The following PODXL variants were observed in gnomAD, a reference collection of about 807,000 sequenced individuals.
The protein encoded by PODXL is podocalyxin.
A neutral mutation model predicts 48.9 loss-of-function variants in PODXL; 20 were observed. The observed-to-expected ratio is 0.41, with a 90% confidence interval of 0.29 to 0.59. PODXL has a LOEUF of 0.59. Ranked by LOEUF, PODXL falls within the 20% of genes least tolerant of loss-of-function variation. PODXL has a pLI of 0.31. For missense variants in PODXL, 606 were observed against 675.1 expected, an observed-to-expected ratio of 0.90 and a Z score of 1.13; for synonymous variants, 295 against 287.4, an observed-to-expected ratio of 1.03 and a Z score of -0.27.
chr7:131,507,736 A>G (rs534811627), intron 5 of PODXL, among the ~76,000 whole-genome samples: 1 of 152,046 alleles, frequency 6.6e-6, no homozygotes, highest in African/African-American at 2.4e-5. Context: ...AGAGGGTCTG[A>G]GGAAGGGCTG....
intron 1 of PODXL, among the ~76,000 whole-genome samples, chr7:131,519,786 CA>C (rs1002154306): frequency 6.6e-6 from 1 of 152,100 alleles, no homozygotes; most frequent in African/African-American, 2.4e-5. Flanking sequence ...TGGAATGCAA[CA>C]GTGTGATCTT....
intron 1 of PODXL, 66 bp from the exon 2 acceptor site, chr7:131,511,499 T>TC: frequency 6.5e-7 from 1 of 1,542,582 alleles, no homozygotes. Context: ...CTTCTCCAGC[T>TC]CTTCCCCAGG....
intron 1 of PODXL, among the ~76,000 whole-genome samples, chr7:131,532,954 C>T (rs979383802): frequency 6.6e-6 from 1 of 152,116 alleles, no homozygotes; most frequent in Non-Finnish European, 1.5e-5. Flanking sequence ...GACTTTCAGC[C>T]CCCAGATCTG....
In PODXL at chr7:131,509,434, G is replaced by A. The variant is rs1223942741; in HGVS notation, c.954C>T (p.Pro318=). 2 of 1,613,950 alleles carry A rather than the reference G, an allele frequency of 1.2e-6. No homozygotes were observed. Among genetic ancestry groups the A allele is most frequent in the East Asian group, 4.5e-5 (2 of 44,878 alleles). The change falls in exon 4 of 9, where the codon CCC becomes CCT. Residue 318 remains proline (P), a synonymous_variant. Coordinates refer to ENST00000378555, the MANE Select transcript of PODXL (RefSeq NM_001018111.3). ...ATCGGTGGGTAGTTGATGCTGCTGTGGGGCTGGAGCTCATGGTCTCTGGCA... is the reference window on the plus strand; with the variant it reads ...ATCGGTGGGTAGTTGATGCTGCTGTAGGGCTGGAGCTCATGGTCTCTGGCA... ...PTLPETMSSS[P]TAASTTHRYP... is the part of the protein sequence containing the mutation.
Position 131,510,880 on chromosome 7 carries a change from A to G in PODXL, c.654T>C (p.Thr218=). Residue 218 remains threonine (T), a synonymous_variant, in exon 2 of 9, where the codon ACT becomes ACC. Coordinates refer to ENST00000378555, the MANE Select transcript of PODXL (RefSeq NM_001018111.3). ...HLMKISSSSS[T]VAIPGYTFTS... is the part of the protein sequence containing the mutation. ...TGAAGGTGTAGCCAGGGATAGCCAC[A>G]GTGCTTGAACTGCTTGAAATTTTCA... The G allele has an allele frequency of 1.9e-6, 3 of 1,614,174 alleles. No homozygotes were observed. Among genetic ancestry groups the G allele is most frequent in the Non-Finnish European group, 2.5e-6 (3 of 1,180,020 alleles).
At chr7:131,513,634 G>A (rs1584812166) in intron 1 of PODXL, among the ~76,000 whole-genome samples, 1 of 152,328 alleles carries the variant, frequency 6.6e-6, no homozygotes, top group East Asian at 1.9e-4. Context: ...CATTCCAGCC[G>A]TGACGGGCTC....
intron 1 of PODXL, among the ~76,000 whole-genome samples, chr7:131,544,904 G>C (rs1238528393): frequency 1.3e-5 from 2 of 152,156 alleles, no homozygotes; most frequent in Middle Eastern, 3.2e-3. Flanking sequence ...AGCAGGCCCT[G>C]TTTATCCAGA....
chr7:131,530,875 A>C (rs952633488), intron 1 of PODXL, among the ~76,000 whole-genome samples: 2 of 151,954 alleles, frequency 1.3e-5, no homozygotes, highest in Non-Finnish European at 2.9e-5. Flanking sequence ...CCTGACCAAC[A>C]TGGAGAAACC....
At chr7:131,553,245 T>C (rs1343333788) in intron 1 of PODXL, among the ~76,000 whole-genome samples, 1 of 152,184 alleles carries the variant, frequency 6.6e-6, no homozygotes, top group Non-Finnish European at 1.5e-5. Context: ...CACTGACCCT[T>C]TTAATTTTAA....
chr7:131,532,528 T>A (rs3957503), intron 1 of PODXL, among the ~76,000 whole-genome samples: 3 of 149,696 alleles, frequency 2.0e-5, no homozygotes, highest in African/African-American at 4.9e-5. Flanking sequence ...GGAGGGGGGG[T>A]ACATTTTTGG....
intron 1 of PODXL, 125 bp downstream of exon 1, chr7:131,556,135 C>T: frequency 2.4e-6 from 3 of 1,265,658 alleles, no homozygotes; most frequent in Non-Finnish European, 3.0e-6. Context: ...CCGTGTGTGA[C>T]CCCGGCGGTG....
rs776381082 is a variant in PODXL, at chr7:131,506,662, T to C, written c.1166A>G (p.Asn389Ser). The C allele has an allele frequency of 3.1e-6, 5 of 1,614,028 alleles. No homozygotes were observed. The highest frequency in any genetic ancestry group is 2.7e-5 in the African/African-American group (2 of 74,918). ...LICRAVKATF[N>S]PAQDKCGIRL... ...TATGCCGCACTTATCTTGGGCCGGG[T>C]TGAAGGTGGCTTTGACTGCTCGGCA... The change falls in exon 6 of 9, where the codon AAC (asparagine) becomes AGC (serine). Residue 389 changes from asparagine (N) to serine (S), a missense_variant. Transcript: ENST00000378555.
chr7:131,516,521 G>GA (rs567461527), intron 1 of PODXL, among the ~76,000 whole-genome samples: 9 of 147,944 alleles, frequency 6.1e-5, no homozygotes, highest in Non-Finnish European at 1.0e-4. Flanking sequence ...TGTCTCAGAA[G>GA]AAAAAAAAAA....
intron 1 of PODXL, among the ~76,000 whole-genome samples, chr7:131,532,104 AAATAAT>A (rs34353284): frequency 6.6e-5 from 9 of 137,222 alleles, no homozygotes; most frequent in African/African-American, 2.4e-4. Flanking sequence ...CTCCATCTCA[AAATAAT>A]AATAATAATA....
intron 1 of PODXL, among the ~76,000 whole-genome samples, chr7:131,532,503 G>C (rs1046566132): frequency 9.7e-6 from 1 of 102,840 alleles, no homozygotes; most frequent in African/African-American, 3.3e-5. Flanking sequence ...ATTTTTACTT[G>C]TATATCTTTT....
chr7:131,554,724 G>A (rs1038298964), intron 1 of PODXL, among the ~76,000 whole-genome samples: 6 of 152,162 alleles, frequency 3.9e-5, no homozygotes, highest in African/African-American at 1.4e-4. Flanking sequence ...CTTAAGCTCA[G>A]AAGCACTAGG....
chr7:131,512,269 C>T (rs1439706023), intron 1 of PODXL, among the ~76,000 whole-genome samples: 2 of 152,224 alleles, frequency 1.3e-5, no homozygotes, highest in East Asian at 1.9e-4. Context: ...CACAGAGAGT[C>T]GTACCCTCAA....
intron 2 of PODXL, 119 bp downstream of exon 2, chr7:131,510,709 T>C: frequency 8.5e-7 from 1 of 1,170,266 alleles, no homozygotes; most frequent in Non-Finnish European, 1.2e-6. Flanking sequence ...TGACCTCAGG[T>C]GATCCACCTG....
chr7:131,535,135 AGAT>A (rs2116842393), intron 1 of PODXL, among the ~76,000 whole-genome samples: 1 of 152,256 alleles, frequency 6.6e-6, no homozygotes, highest in African/African-American at 2.4e-5. Flanking sequence ...AAAGGACATG[AGAT>A]ATGTGTTATT....
Sources: gnomAD v4.1 joint callset for allele counts (sites outside exome capture counted in the v4.1 genomes callset) on GRCh38, gnomAD v4.1.1 for gene constraint, MANE v1.5 for transcripts, NCBI Gene and HGNC (gene_info 2026-07-23, HGNC 2026-07-21) for gene names.